The following RNGTT variants were observed in gnomAD, a reference collection of about 807,000 sequenced individuals.
RNGTT encodes mRNA-capping enzyme.
RNGTT carries 33 observed loss-of-function variants against 79.3 expected under a neutral mutation model. The observed-to-expected ratio is 0.42, with a 90% CI of 0.32 to 0.56. The LOEUF is 0.56. RNGTT is among the 20% of genes least tolerant of loss of function. The pLI is 0.17. For synonymous variants in RNGTT, 222 were observed against 235.9 expected (o/e 0.94, Z 0.54); for missense variants, 497 against 739.1 (o/e 0.67, Z 3.80).
At chr6:88,764,407 A>G (rs1213474829) in intron 13 of RNGTT, among the ~76,000 whole-genome samples, 1 of 152,234 alleles carries the variant, frequency 6.6e-6, no homozygotes, top group Non-Finnish European at 1.5e-5. Context: ...GAAATCTTGT[A>G]TCTCAACAGA....
chr6:88,677,459 A>G (rs963591665), intron 14 of RNGTT, among the ~76,000 whole-genome samples: 5 of 152,064 alleles, frequency 3.3e-5, no homozygotes, highest in Non-Finnish European at 7.4e-5. Flanking sequence ...ATCTCAAAAA[A>G]GCTGTTAAAA....
chr6:88,680,223 C>T (rs1190558892), intron 13 of RNGTT, among the ~76,000 whole-genome samples: 3 of 152,050 alleles, frequency 2.0e-5, no homozygotes, highest in Non-Finnish European at 4.4e-5. Context: ...TCAACAATTC[C>T]AGGATATACA....
At chr6:88,660,142 C>A (rs1205132082) in intron 14 of RNGTT, among the ~76,000 whole-genome samples, 1 of 152,104 alleles carries the variant, frequency 6.6e-6, no homozygotes, top group Non-Finnish European at 1.5e-5. Flanking sequence ...ACAAGAAATG[C>A]TAAAAAAGTT....
At chr6:88,713,440 A>AG (rs1345434277) in intron 13 of RNGTT, among the ~76,000 whole-genome samples, 1 of 152,214 alleles carries the variant, frequency 6.6e-6, no homozygotes, top group African/African-American at 2.4e-5. Flanking sequence ...ATTTAAACTA[A>AG]GGGGGAAGGC....
At chr6:88,828,952 G>T (rs1467331569) in intron 11 of RNGTT, among the ~76,000 whole-genome samples, 1 of 152,060 alleles carries the variant, frequency 6.6e-6, no homozygotes, top group Middle Eastern at 3.2e-3. Flanking sequence ...GAACCAAGAT[G>T]GAAACCCTCT....
chr6:88,663,214 C>G (rs115676051), intron 14 of RNGTT, among the ~76,000 whole-genome samples: 2 of 152,076 alleles, frequency 1.3e-5, no homozygotes, highest in Non-Finnish European at 2.9e-5. Flanking sequence ...TAAGCCTACC[C>G]TGTTAGGAAC....
chr6:88,790,633 AAG>A (rs71735590), intron 12 of RNGTT, among the ~76,000 whole-genome samples: 19,333 of 152,204 alleles, frequency 0.13, 1,405 homozygotes, highest in Middle Eastern at 0.23. Context: ...TTAAAAATAA[AAG>A]AAAAATTTAT....
chr6:88,811,837 A>G (rs1160574983), intron 11 of RNGTT, among the ~76,000 whole-genome samples: 2 of 152,152 alleles, frequency 1.3e-5, no homozygotes, highest in Non-Finnish European at 2.9e-5. Flanking sequence ...ATTGCCTGAG[A>G]ATACTCAATA....
chr6:88,790,344 C>T (rs1433058190), intron 12 of RNGTT, among the ~76,000 whole-genome samples: 2 of 152,164 alleles, frequency 1.3e-5, no homozygotes, highest in African/African-American at 2.4e-5. Flanking sequence ...CACTAAACCT[C>T]TAGCTTCTCT....
intron 13 of RNGTT, among the ~76,000 whole-genome samples, chr6:88,702,243 C>A (rs1047545425): frequency 5.9e-5 from 9 of 152,052 alleles, no homozygotes; most frequent in Non-Finnish European, 1.0e-4. Context: ...CAAAAAAGAA[C>A]CTGAATAGCT....
At chr6:88,720,039 A>T (rs1052604339) in intron 13 of RNGTT, among the ~76,000 whole-genome samples, 2 of 152,216 alleles carry the variant, frequency 1.3e-5, no homozygotes, top group Non-Finnish European at 1.5e-5. Context: ...TTAGAGGAGA[A>T]CTAAAACCTT....
chr6:88,750,864 T>G (rs1043288885), intron 13 of RNGTT, among the ~76,000 whole-genome samples: 1 of 152,174 alleles, frequency 6.6e-6, no homozygotes, highest in Non-Finnish European at 1.5e-5. Context: ...CTGTTTTATA[T>G]GTGGAATATA....
At chr6:88,681,813 A>T (rs1190962190) in intron 13 of RNGTT, among the ~76,000 whole-genome samples, 1 of 152,158 alleles carries the variant, frequency 6.6e-6, no homozygotes, top group Non-Finnish European at 1.5e-5. Flanking sequence ...ACCTTTATAC[A>T]AATGCTAACA....
At chr6:88,790,843 A>T (rs1363375881) in intron 12 of RNGTT, among the ~76,000 whole-genome samples, 1 of 152,206 alleles carries the variant, frequency 6.6e-6, no homozygotes, top group Non-Finnish European at 1.5e-5. Flanking sequence ...AAGGGTCCTA[A>T]ACTTCTCATT....
chr6:88,915,654 C>T (rs1479591215), intron 4 of RNGTT, among the ~76,000 whole-genome samples: 9 of 152,148 alleles, frequency 5.9e-5, no homozygotes, highest in Non-Finnish European at 1.2e-4. Context: ...GAAAAACTCC[C>T]TATTGGGTAC....
intron 13 of RNGTT, among the ~76,000 whole-genome samples, chr6:88,698,662 C>G (rs1449986771): frequency 6.6e-6 from 1 of 151,920 alleles, no homozygotes; most frequent in Non-Finnish European, 1.5e-5. Context: ...TATACTAAAA[C>G]TATTTTAATA....
intron 14 of RNGTT, among the ~76,000 whole-genome samples, chr6:88,654,728 G>A (rs751357276): frequency 2.0e-5 from 3 of 152,164 alleles, no homozygotes; most frequent in East Asian, 3.9e-4. Flanking sequence ...TCTCCTGCCA[G>A]AAGCATATGG....
In RNGTT at chr6:88,939,414, A is replaced by G. The variant is rs114767633; in HGVS notation, c.174+1657T>C. On this transcript the variant is annotated intron_variant, in intron 2 of 15. Coordinates refer to ENST00000369485, the MANE Select transcript of RNGTT (RefSeq NM_003800.5). ...TTATTGAAGCTTTGATCTATTTTCT[A>G]TTTCATTCAATGAATTCTTCATTTC... 5.6e-3 allele frequency among the ~76,000 whole-genome samples: 845 copies of G among 152,048 alleles called. 7 individuals are homozygous for G. The highest frequency in any genetic ancestry group is 0.019 in the African/African-American group (806 of 41,488).
intron 2 of RNGTT, among the ~76,000 whole-genome samples, chr6:88,933,457 A>C (rs1784569975): frequency 6.6e-6 from 1 of 151,674 alleles, no homozygotes; most frequent in African/African-American, 2.4e-5. Context: ...ATCGTCTATC[A>C]TTCTACTCTC....
Sources: gnomAD v4.1 joint callset for allele counts (sites outside exome capture counted in the v4.1 genomes callset) on GRCh38, gnomAD v4.1.1 for gene constraint, MANE v1.5 for transcripts, NCBI Gene and HGNC (gene_info 2026-07-23, HGNC 2026-07-21) for gene names.